Variants in ATOSA observed in about 807,000 individuals in gnomAD.
ATOSA encodes atos homolog A.
chr15:52,616,168 T>C, the ATOSA span, among the ~76,000 whole-genome samples: 2 of 152,212 alleles, frequency 1.3e-5, no homozygotes, highest in South Asian at 4.1e-4. Context: ...GTCTATGTTA[T>C]AAGAGCACAG....
At chr15:52,608,958 A>G in the ATOSA span, 1 of 1,611,416 alleles carries the variant, frequency 6.2e-7, no homozygotes, top group African/African-American at 1.3e-5. Context: ...ACTTATTTGT[A>G]CAAATCTGTT....
At chr15:52,651,742 G>C in the ATOSA span, 1 of 889,560 alleles carries the variant, frequency 1.1e-6, no homozygotes, top group Non-Finnish European at 1.7e-6. Flanking sequence ...GGTTTTCAAA[G>C]TGAGATAATT....
the ATOSA span, among the ~76,000 whole-genome samples, chr15:52,640,447 T>C: frequency 6.6e-6 from 1 of 151,582 alleles, no homozygotes; most frequent in Non-Finnish European, 1.5e-5. Flanking sequence ...GCACCTGTAA[T>C]GTAACCCCAG....
chr15:52,590,774 T>C, the ATOSA span: 1 of 152,190 alleles, frequency 6.6e-6, no homozygotes, highest in Non-Finnish European at 1.5e-5. Flanking sequence ...AATGCATTCC[T>C]GGTAAGTAAA....
chr15:52,633,618 G>GA, the ATOSA span, among the ~76,000 whole-genome samples: 7 of 150,026 alleles, frequency 4.7e-5, no homozygotes, highest in South Asian at 2.1e-4. Flanking sequence ...AGCAGTGAAA[G>GA]AAAAAAAAAT....
chr15:52,581,967 G>A, the ATOSA span: 1 of 493,492 alleles, frequency 2.0e-6, no homozygotes, highest in East Asian at 3.6e-5. Context: ...AAAAGGATTA[G>A]GACATGAGTT....
chr15:52,679,810 T>C, the ATOSA span, among the ~76,000 whole-genome samples: 515 of 17,176 alleles, frequency 0.03, no homozygotes, highest in Middle Eastern at 0.056. Flanking sequence ...TCCCCCTCCT[T>C]CCCCCCCTCC....
At chr15:52,643,274 G>C in the ATOSA span, among the ~76,000 whole-genome samples, 1 of 152,092 alleles carries the variant, frequency 6.6e-6, no homozygotes, top group Non-Finnish European at 1.5e-5. Context: ...ATTATAGCTA[G>C]TGACTCAAAA....
chr15:52,614,016 C>G, the ATOSA span: 1 of 695,548 alleles, frequency 1.4e-6, no homozygotes, highest in African/African-American at 1.8e-5. Flanking sequence ...ACTTTTGATT[C>G]ACAAACTACA....
chr15:52,594,269 A>G, the ATOSA span, among the ~76,000 whole-genome samples: 86,177 of 152,056 alleles, frequency 0.57, 28,487 homozygotes, highest in Non-Finnish European at 0.74. Flanking sequence ...GTTTTAGTTT[A>G]AAACATAAAA....
At chr15:52,625,947 C>A in the ATOSA span, among the ~76,000 whole-genome samples, 1 of 152,194 alleles carries the variant, frequency 6.6e-6, no homozygotes, top group Non-Finnish European at 1.5e-5. Context: ...ACATCTCTTT[C>A]CTCAGTATTT....
chr15:52,708,158 G>C, the ATOSA span, among the ~76,000 whole-genome samples: 3 of 152,196 alleles, frequency 2.0e-5, no homozygotes, highest in Non-Finnish European at 4.4e-5. Context: ...GGTTGGGCAA[G>C]GCTGGGTTCA....
At chr15:52,611,378 T>A in the ATOSA span, 874 of 1,303,974 alleles carry the variant, frequency 6.7e-4, 1 homozygote, top group Non-Finnish European at 8.8e-4. Context: ...AGCATAGGAA[T>A]ACACTTACGA....
chr15:52,590,248 T>C, the ATOSA span, among the ~76,000 whole-genome samples: 1 of 152,268 alleles, frequency 6.6e-6, no homozygotes, highest in Non-Finnish European at 1.5e-5. Flanking sequence ...AGAAAGGAAA[T>C]CATACGTGGC....
the ATOSA span, chr15:52,586,204 T>G: frequency 6.6e-6 from 1 of 152,228 alleles, no homozygotes; most frequent in African/African-American, 2.4e-5. Flanking sequence ...TGTGGTATTC[T>G]TGTGGTAATT....
the ATOSA span, chr15:52,658,901 C>T: frequency 2.5e-6 from 1 of 394,696 alleles, no homozygotes; most frequent in East Asian, 3.6e-5. Context: ...AGAAGGATTG[C>T]TTGAGCCTAG....
chr15:52,682,370 G>T, the ATOSA span, among the ~76,000 whole-genome samples: 23 of 152,144 alleles, frequency 1.5e-4, no homozygotes, highest in Non-Finnish European at 2.6e-4. Flanking sequence ...TTAAGATGAG[G>T]TGGATTATTA....
At chr15:52,629,113 AT>A in the ATOSA span, among the ~76,000 whole-genome samples, 1 of 152,138 alleles carries the variant, frequency 6.6e-6, no homozygotes, top group African/African-American at 2.4e-5. Context: ...AAACATAGTC[AT>A]TTTTTGTGGA....
the ATOSA span, chr15:52,609,142 C>G: frequency 6.2e-6 from 10 of 1,613,414 alleles, no homozygotes; most frequent in African/African-American, 1.2e-4. Flanking sequence ...GATGATTTCA[C>G]TAGGATTGTT....
Sources: gnomAD v4.1 joint callset for allele counts (sites outside exome capture counted in the v4.1 genomes callset) on GRCh38, gnomAD v4.1.1 for gene constraint, MANE v1.5 for transcripts, NCBI Gene and HGNC (gene_info 2026-07-23, HGNC 2026-07-21) for gene names.